Variants in SHISA9 observed in about 807,000 individuals in gnomAD.
SHISA9 encodes the protein protein shisa-9.
A neutral mutation model predicts 38.0 loss-of-function variants in SHISA9; 13 were observed. The ratio of observed to expected loss-of-function variants is 0.34; its 90% CI spans 0.22 to 0.54. The LOEUF is 0.54. Ranked by LOEUF, SHISA9 falls within the 20% of genes least tolerant of loss-of-function variation. The pLI is 0.91. For synonymous variants in SHISA9, 275 were observed against 242.0 expected (o/e 1.14, Z -1.27); for missense variants, 538 against 575.8 (o/e 0.93, Z 0.67).
chr16:13,537,504 G>C, the SHISA9 span, among the ~76,000 whole-genome samples: 6 of 151,994 alleles, frequency 3.9e-5, no homozygotes, highest in East Asian at 9.6e-4. Flanking sequence ...AGGGGTGTAA[G>C]GATTTGGAAA....
chr16:13,151,713 T>A (rs1010040409), intron 2 of SHISA9, among the ~76,000 whole-genome samples: 3 of 152,250 alleles, frequency 2.0e-5, no homozygotes, highest in Non-Finnish European at 4.4e-5. Flanking sequence ...ACTTCTCTCA[T>A]TCAGAAAAAC....
intron 2 of SHISA9, among the ~76,000 whole-genome samples, chr16:13,186,835 A>G (rs186017564): frequency 6.6e-6 from 1 of 152,276 alleles, no homozygotes; most frequent in Admixed American, 6.5e-5. Context: ...TCTTTTTGTG[A>G]CTGGCTAATT....
At chr16:13,333,683 T>A in the SHISA9 span, among the ~76,000 whole-genome samples, 6 of 152,170 alleles carry the variant, frequency 3.9e-5, no homozygotes, top group African/African-American at 1.4e-4. Flanking sequence ...TCAGTAGAGA[T>A]GTCCTAAAAA....
chr16:13,520,690 A>G, the SHISA9 span, among the ~76,000 whole-genome samples: 3 of 151,650 alleles, frequency 2.0e-5, no homozygotes, highest in African/African-American at 7.3e-5. Flanking sequence ...CTTCAGCAGA[A>G]AAGCCAAGGA....
intron 2 of SHISA9, among the ~76,000 whole-genome samples, chr16:13,162,611 A>C (rs1029730250): frequency 5.3e-5 from 8 of 152,224 alleles, no homozygotes; most frequent in Admixed American, 3.9e-4. Flanking sequence ...TGGAACGGGA[A>C]ATAAGTAGCC....
At chr16:13,017,025 CTT>C (rs34082945) in intron 2 of SHISA9, among the ~76,000 whole-genome samples, 2 of 144,788 alleles carry the variant, frequency 1.4e-5, no homozygotes, top group Non-Finnish European at 1.5e-5. Flanking sequence ...TTTTTTCTTT[CTT>C]TTTTTTTTTT....
intron 2 of SHISA9, among the ~76,000 whole-genome samples, chr16:12,919,797 C>T (rs1399294735): frequency 1.3e-5 from 2 of 152,172 alleles, no homozygotes; most frequent in African/African-American, 4.8e-5. Flanking sequence ...TCCAGGCATT[C>T]AGTGATATTG....
At chr16:13,183,574 A>C (rs1396860156) in intron 2 of SHISA9, among the ~76,000 whole-genome samples, 2 of 152,242 alleles carry the variant, frequency 1.3e-5, no homozygotes, top group African/African-American at 4.8e-5. Context: ...TTAAAGATTC[A>C]AGAAACCGTC....
At chr16:13,424,123 G>C in the SHISA9 span, among the ~76,000 whole-genome samples, 3 of 152,202 alleles carry the variant, frequency 2.0e-5, no homozygotes, top group African/African-American at 2.4e-5. Flanking sequence ...ATTCTATACA[G>C]TATGTACAGG....
At chr16:13,381,607 T>C in the SHISA9 span, among the ~76,000 whole-genome samples, 35 of 152,256 alleles carry the variant, frequency 2.3e-4, 1 homozygote, top group East Asian at 4.0e-3. Context: ...GGGAGCAAAG[T>C]GGTGTTGGTG....
intron 2 of SHISA9, among the ~76,000 whole-genome samples, chr16:13,045,908 C>A (rs1029443356): frequency 6.6e-6 from 1 of 152,198 alleles, no homozygotes; most frequent in Non-Finnish European, 1.5e-5. Flanking sequence ...CCTATTAAGT[C>A]AGACCTTTTG....
intron 2 of SHISA9, among the ~76,000 whole-genome samples, chr16:13,152,038 T>A (rs1025081145): frequency 6.6e-6 from 1 of 152,214 alleles, no homozygotes; most frequent in Non-Finnish European, 1.5e-5. Flanking sequence ...GATTAAATTG[T>A]GTGAGAAGAA....
chr16:12,986,582 G>A (rs1292516279), intron 2 of SHISA9, among the ~76,000 whole-genome samples: 4 of 152,190 alleles, frequency 2.6e-5, no homozygotes, highest in South Asian at 2.1e-4. Flanking sequence ...ACTGGATATT[G>A]GAGGGGATGG....
the SHISA9 span, among the ~76,000 whole-genome samples, chr16:13,465,767 G>A: frequency 6.6e-6 from 1 of 152,198 alleles, no homozygotes; most frequent in African/African-American, 2.4e-5. Flanking sequence ...TACCTCTCCA[G>A]AAAGAAAAAG....
the SHISA9 span, among the ~76,000 whole-genome samples, chr16:13,283,339 C>A: frequency 1.3e-5 from 2 of 152,092 alleles, no homozygotes; most frequent in African/African-American, 4.8e-5. Flanking sequence ...TAGGCCAAAG[C>A]GGTAGGTCTT....
chr16:12,916,231 C>T (rs770764601), intron 1 of SHISA9, among the ~76,000 whole-genome samples: 3 of 152,078 alleles, frequency 2.0e-5, no homozygotes, highest in Non-Finnish European at 4.4e-5. Context: ...GTGTTTTGTG[C>T]TGTTTTGTTT....
At chr16:13,342,714 T>C in the SHISA9 span, among the ~76,000 whole-genome samples, 1 of 152,216 alleles carries the variant, frequency 6.6e-6, no homozygotes, top group Non-Finnish European at 1.5e-5. Flanking sequence ...CGGTAGTCCC[T>C]TTCTCTTTGC....
chr16:13,437,628 A>G, the SHISA9 span, among the ~76,000 whole-genome samples: 24 of 152,120 alleles, frequency 1.6e-4, 1 homozygote, highest in Non-Finnish European at 7.4e-5. Flanking sequence ...TCTACTGAGA[A>G]GATCCTGATA....
the SHISA9 span, among the ~76,000 whole-genome samples, chr16:13,424,545 G>A: frequency 0.036 from 5,551 of 152,322 alleles, 352 homozygotes; most frequent in African/African-American, 0.13. Flanking sequence ...GAAATCATGC[G>A]AAACTGGGTA....
Sources: allele counts gnomAD v4.1 joint callset (sites outside exome capture counted in the v4.1 genomes callset), GRCh38; gene constraint gnomAD v4.1.1; transcripts MANE v1.5; gene names NCBI Gene and HGNC (gene_info 2026-07-23, HGNC 2026-07-21).